Variants in INTS6 observed in about 807,000 individuals in gnomAD.
INTS6 encodes the protein integrator complex subunit 6.
INTS6 carries 16 observed loss-of-function variants against 104.9 expected under a neutral mutation model. The ratio of observed to expected loss-of-function variants is 0.15; its 90% CI spans 0.10 to 0.23. The LOEUF (loss-of-function observed/expected upper bound fraction) is 0.23, where lower values mean the gene tolerates loss of function less well. Among genes scored for constraint, INTS6 ranks in the 10% least tolerant of loss-of-function variants. The probability of loss-of-function intolerance (pLI) is 1.00; values close to 1 mark genes in which losing one functional copy is unlikely to be tolerated. For synonymous variants in INTS6, 324 were observed against 358.7 expected (o/e 0.90, Z 1.09); for missense variants, 584 against 1,062.8 (o/e 0.55, Z 6.26).
chr13:51,341,328 C>A, the INTS6 span: 4 of 1,603,912 alleles, frequency 2.5e-6, no homozygotes, highest in Admixed American at 5.2e-5. Flanking sequence ...TGGCAGATGC[C>A]CTGGGGTACA....
At chr13:51,433,984 A>G (rs1045202841) in intron 3 of INTS6, among the ~76,000 whole-genome samples, 3 of 152,230 alleles carry the variant, frequency 2.0e-5, no homozygotes, top group Admixed American at 6.5e-5. Flanking sequence ...CAAAGCCAGA[A>G]CCTTATTAAG....
intron 7 of INTS6, chr13:51,384,449 T>C (rs1376456980): frequency 1.1e-5 from 3 of 279,720 alleles, no homozygotes; most frequent in African/African-American, 4.5e-5. Context: ...TTAAATGTCA[T>C]AGCTATAAAG....
intron 3 of INTS6, among the ~76,000 whole-genome samples, chr13:51,432,391 C>T (rs1957107316): frequency 6.6e-6 from 1 of 151,712 alleles, no homozygotes; most frequent in African/African-American, 2.4e-5. Flanking sequence ...ATATCTAACA[C>T]TGCAGAAGTA....
chr13:51,446,051 C>A (rs1952909663), intron 3 of INTS6: 1 of 151,780 alleles, frequency 6.6e-6, no homozygotes, highest in Non-Finnish European at 1.5e-5. Context: ...AAGGCACAGG[C>A]AATAAAAGTA....
At chr13:51,351,507 T>C (rs967375260), downstream of INTS6, among the ~76,000 whole-genome samples, 1 of 152,144 alleles carries the variant, frequency 6.6e-6, no homozygotes, top group African/African-American at 2.4e-5. Flanking sequence ...ATTATTGAGT[T>C]GTAATAGTTC....
At chr13:51,417,262 T>A (rs1462960364) in intron 4 of INTS6, among the ~76,000 whole-genome samples, 1 of 152,186 alleles carries the variant, frequency 6.6e-6, no homozygotes, top group Non-Finnish European at 1.5e-5. Flanking sequence ...TCTGGTGTCA[T>A]GTCTAACTAA....
At chr13:51,392,806 T>G (rs937316383) in intron 5 of INTS6, among the ~76,000 whole-genome samples, 1 of 152,126 alleles carries the variant, frequency 6.6e-6, no homozygotes, top group Non-Finnish European at 1.5e-5. Context: ...TGTCACTCAG[T>G]ACAAAGACAT....
intron 15 of INTS6, among the ~76,000 whole-genome samples, chr13:51,373,064 G>GA (rs1426128027): frequency 2.0e-5 from 3 of 151,608 alleles, no homozygotes; most frequent in African/African-American, 4.8e-5. Context: ...TTTTTTCCAG[G>GA]AAAAAAACCC....
At chr13:51,358,391 G>A (rs578108003), downstream of INTS6, among the ~76,000 whole-genome samples, 83 of 152,260 alleles carry the variant, frequency 5.5e-4, no homozygotes, top group African/African-American at 1.9e-3. Context: ...ATGTTTTGAA[G>A]ACTTTTAACC....
intron 6 of INTS6, 117 bp downstream of exon 6, chr13:51,389,198 CCTTT>C: frequency 1.1e-6 from 1 of 925,276 alleles, no homozygotes; most frequent in Non-Finnish European, 1.6e-6. Flanking sequence ...TTACCAACAG[CCTTT>C]CTGTCTTAAT....
chr13:51,334,759 A>C, the INTS6 span, among the ~76,000 whole-genome samples: 10 of 152,266 alleles, frequency 6.6e-5, no homozygotes, highest in East Asian at 1.9e-3. Flanking sequence ...AGGCAGGTGG[A>C]TCACCTGAGG....
chr13:51,450,840 G>A (rs777124427), intron 3 of INTS6, 185 bp downstream of exon 3: 86 of 1,214,242 alleles, frequency 7.1e-5, no homozygotes, highest in Non-Finnish European at 8.3e-5. Context: ...TTTTAGAGGG[G>A]GAAAAAATGA....
the INTS6 span, among the ~76,000 whole-genome samples, chr13:51,348,848 G>GTCCCC: frequency 6.6e-6 from 1 of 150,484 alleles, no homozygotes; most frequent in Non-Finnish European, 1.5e-5. Context: ...ACGTAATTGA[G>GTCCCC]CAAGTACAGA....
chr13:51,340,648 C>T, the INTS6 span: 3,862 of 168,122 alleles, frequency 0.023, 61 homozygotes, highest in South Asian at 0.051. Context: ...TCCTTTTTAA[C>T]ATAGTAGATA....
rs1955660955 is a variant in INTS6 at position 51,365,119 on chromosome 13, G to A, written c.*633C>T. 1 of 152,446 alleles carries A rather than the reference G, an allele frequency of 6.6e-6. No individual in the cohort carries two copies. Among genetic ancestry groups the A allele is most frequent in the Non-Finnish European group, 1.5e-5 (1 of 67,952 alleles). 9.4% of individuals were successfully genotyped at this position (152,446 alleles called of 1,614,324 possible). Reference sequence around the variant, plus strand: ...TAGGCTTAACAAACATGAACTTCAAGTGGTGTATTTTTCCAATGCTAAAAA... The same window carrying A: ...TAGGCTTAACAAACATGAACTTCAAATGGTGTATTTTTCCAATGCTAAAAA... On this transcript the variant is annotated 3_prime_UTR_variant, in exon 18 of 18. Coordinates refer to ENST00000311234, the MANE Select transcript of INTS6 (RefSeq NM_012141.3).
rs1955589727 is a variant in INTS6, at chr13:51,362,080, C to T, written c.*3672G>A. The T allele has an allele frequency of 1.3e-6, 2 of 1,536,688 alleles. No homozygotes were observed. The highest frequency in any genetic ancestry group is 1.4e-5 in the African/African-American group (1 of 70,610). On this transcript the variant is annotated 3_prime_UTR_variant, in exon 18 of 18. Transcript: ENST00000311234. Reference sequence around the variant, plus strand: ...GACTATTTCGTAAGTACAAAGGAAACTTATCCTCCATGTTTTTTACCTTCT... The same window carrying T: ...GACTATTTCGTAAGTACAAAGGAAATTTATCCTCCATGTTTTTTACCTTCT...
At chr13:51,345,037 A>ATACAGTTG in the INTS6 span, among the ~76,000 whole-genome samples, 1 of 152,268 alleles carries the variant, frequency 6.6e-6, no homozygotes, top group Non-Finnish European at 1.5e-5. Context: ...CCTGCATGTT[A>ATACAGTTG]TACAGTTGTA....
At chr13:51,417,279 C>T (rs2138055516) in intron 4 of INTS6, among the ~76,000 whole-genome samples, 1 of 152,168 alleles carries the variant, frequency 6.6e-6, no homozygotes, top group South Asian at 2.1e-4. Context: ...CTAAAACTTG[C>T]CTAATCCTAG....
chr13:51,386,551 A>C (rs1043556253), intron 7 of INTS6, among the ~76,000 whole-genome samples: 5 of 152,200 alleles, frequency 3.3e-5, no homozygotes, highest in Non-Finnish European at 7.4e-5. Flanking sequence ...GAATAAAGGA[A>C]ATATCACTTT....
Sources: gnomAD v4.1 joint callset for allele counts (sites outside exome capture counted in the v4.1 genomes callset) on GRCh38, gnomAD v4.1.1 for gene constraint, MANE v1.5 for transcripts, NCBI Gene and HGNC (gene_info 2026-07-23, HGNC 2026-07-21) for gene names.